EPHA6: variants seen among roughly 807,000 people sequenced by gnomAD.
The protein encoded by EPHA6 is ephrin type-A receptor 6.
EPHA6 carries 50 observed loss-of-function variants against 112.0 expected under a neutral mutation model. That is an observed-to-expected ratio of 0.45 (90% CI 0.36 to 0.56). EPHA6 has a LOEUF of 0.56. Ranked by LOEUF, EPHA6 falls within the 20% of genes least tolerant of loss-of-function variation. The pLI is 0.00. For missense variants in EPHA6, 1,280 were observed against 1,417.4 expected, an observed-to-expected ratio of 0.90 and a Z score of 1.56; for synonymous variants, 529 against 490.7, an observed-to-expected ratio of 1.08 and a Z score of -1.03.
intron 3 of EPHA6, among the ~76,000 whole-genome samples, chr3:97,003,537 T>C (rs1426240425): frequency 1.3e-5 from 2 of 152,130 alleles, no homozygotes; most frequent in African/African-American, 2.4e-5. Flanking sequence ...AAATGAAGCC[T>C]AAGGCAAAGT....
At chr3:97,516,838 G>T (rs2092455332) in intron 10 of EPHA6, among the ~76,000 whole-genome samples, 1 of 152,102 alleles carries the variant, frequency 6.6e-6, no homozygotes, top group South Asian at 2.1e-4. Flanking sequence ...TAACATATTG[G>T]AAAATTTCTT....
chr3:97,030,717 G>A (rs746518991), intron 3 of EPHA6, among the ~76,000 whole-genome samples: 4 of 152,014 alleles, frequency 2.6e-5, no homozygotes, highest in Non-Finnish European at 4.4e-5. Flanking sequence ...AATTAGAAAA[G>A]TATCTAGTGG....
At chr3:97,445,797 A>G (rs2090323491) in intron 6 of EPHA6, among the ~76,000 whole-genome samples, 1 of 152,010 alleles carries the variant, frequency 6.6e-6, no homozygotes, top group Admixed American at 6.6e-5. Flanking sequence ...AATAATATTA[A>G]GAATGAGAAG....
chr3:97,688,989 A>G (rs753239028), intron 14 of EPHA6, among the ~76,000 whole-genome samples: 2 of 152,164 alleles, frequency 1.3e-5, no homozygotes, highest in Non-Finnish European at 2.9e-5. Flanking sequence ...AAAATGCTCA[A>G]TATAGTTTTA....
At chr3:97,589,742 C>A (rs149911407) in intron 11 of EPHA6, among the ~76,000 whole-genome samples, 2 of 151,974 alleles carry the variant, frequency 1.3e-5, no homozygotes, top group Non-Finnish European at 2.9e-5. Context: ...GAACTTGTAA[C>A]GGCTAGAGGA....
At chr3:97,046,693 A>G (rs964752795) in intron 3 of EPHA6, among the ~76,000 whole-genome samples, 4 of 152,190 alleles carry the variant, frequency 2.6e-5, no homozygotes, top group Non-Finnish European at 4.4e-5. Flanking sequence ...TACAAAAGCC[A>G]GTAGTAATTC....
At chr3:97,134,418 GT>G (rs2075717543) in intron 3 of EPHA6, among the ~76,000 whole-genome samples, 1 of 152,084 alleles carries the variant, frequency 6.6e-6, no homozygotes, top group Non-Finnish European at 1.5e-5. Flanking sequence ...TTTTATAAGT[GT>G]TTTGGCTACT....
At chr3:97,097,768 TAA>T (rs1224019997) in intron 3 of EPHA6, among the ~76,000 whole-genome samples, 1 of 151,874 alleles carries the variant, frequency 6.6e-6, no homozygotes, top group Non-Finnish European at 1.5e-5. Context: ...AATTTAATGC[TAA>T]GAAATGCTTC....
At chr3:97,048,477 A>G (rs1344725543) in intron 3 of EPHA6, among the ~76,000 whole-genome samples, 1 of 152,190 alleles carries the variant, frequency 6.6e-6, no homozygotes, top group Non-Finnish European at 1.5e-5. Flanking sequence ...TTATTAAACA[A>G]TGGAATTGAA....
intron 3 of EPHA6, among the ~76,000 whole-genome samples, chr3:97,047,499 C>CAAA (rs556388538): frequency 8.7e-4 from 40 of 46,108 alleles, no homozygotes; most frequent in South Asian, 1.6e-3. Flanking sequence ...GACTCTGTCT[C>CAAA]AAAAAAAAAA....
intron 14 of EPHA6, among the ~76,000 whole-genome samples, chr3:97,696,496 C>G (rs2033048816): frequency 6.6e-6 from 1 of 152,168 alleles, no homozygotes; most frequent in Non-Finnish European, 1.5e-5. Flanking sequence ...TTCTAGCTAT[C>G]ATTCCCTTCT....
chr3:97,507,983 A>G (rs771742079), intron 10 of EPHA6, among the ~76,000 whole-genome samples: 55 of 151,978 alleles, frequency 3.6e-4, no homozygotes, highest in Admixed American at 3.3e-3. Flanking sequence ...GGTAGTTTGT[A>G]TTCTGTGGGC....
At chr3:96,859,865 A>C (rs979291460) in intron 1 of EPHA6, among the ~76,000 whole-genome samples, 1 of 152,074 alleles carries the variant, frequency 6.6e-6, no homozygotes, top group Non-Finnish European at 1.5e-5. Flanking sequence ...TAGAAGAGCA[A>C]TTTAAACTAC....
At chr3:97,324,527 T>TTCTTTCTC (rs1553746478) in intron 5 of EPHA6, among the ~76,000 whole-genome samples, 132,119 of 141,920 alleles carry the variant, frequency 0.93, 61,974 homozygotes, top group East Asian at 0.99. Context: ...CTTTCTTTCT[T>TTCTTTCTC]TCTTTCTCTC....
intron 5 of EPHA6, among the ~76,000 whole-genome samples, chr3:97,376,463 C>G (rs2085364609): frequency 6.6e-6 from 1 of 152,166 alleles, no homozygotes; most frequent in South Asian, 2.1e-4. Context: ...ACAACATGCA[C>G]AGGAATACAG....
At chr3:96,965,157 T>C (rs1297758276) in intron 2 of EPHA6, among the ~76,000 whole-genome samples, 1 of 152,186 alleles carries the variant, frequency 6.6e-6, no homozygotes, top group Admixed American at 6.6e-5. Context: ...GGGATTGGCC[T>C]AGACTCAGTT....
At chr3:97,516,330 C>T (rs553756089) in intron 10 of EPHA6, among the ~76,000 whole-genome samples, 44 of 152,282 alleles carry the variant, frequency 2.9e-4, no homozygotes, top group African/African-American at 1.1e-3. Flanking sequence ...ACTAACAAGC[C>T]TTGTTAAGCA....
intron 3 of EPHA6, among the ~76,000 whole-genome samples, chr3:97,001,497 A>G (rs1266101811): frequency 1.3e-5 from 2 of 151,882 alleles, no homozygotes; most frequent in Non-Finnish European, 2.9e-5. Flanking sequence ...TACTTTTTGT[A>G]CTCAGTTTTT....
intron 5 of EPHA6, among the ~76,000 whole-genome samples, chr3:97,256,958 T>C (rs2079334692): frequency 6.6e-6 from 1 of 152,044 alleles, no homozygotes; most frequent in Non-Finnish European, 1.5e-5. Context: ...TTGTGTTTCC[T>C]ATGAGAGCAT....
Sources: gnomAD v4.1 joint callset for allele counts (sites outside exome capture counted in the v4.1 genomes callset) on GRCh38, gnomAD v4.1.1 for gene constraint, MANE v1.5 for transcripts, NCBI Gene and HGNC (gene_info 2026-07-23, HGNC 2026-07-21) for gene names.